POLR1C: variants seen among roughly 807,000 people sequenced by gnomAD.
POLR1C encodes RNA polymerase I and III subunit C, also known as DNA-directed RNA polymerases I and III subunit RPAC1.
Under a neutral mutation model 38.3 loss-of-function variants are expected in POLR1C, and 42 were observed. The ratio of observed to expected loss-of-function variants is 1.10; its 90% CI spans 0.86 to 1.42. POLR1C has a LOEUF of 1.42. POLR1C is among the 40% of genes most tolerant of loss of function. POLR1C has a pLI of 0.00. For synonymous variants in POLR1C, 163 were observed against 163.9 expected (o/e 0.99, Z 0.04); for missense variants, 507 against 450.5 (o/e 1.13, Z -1.14).
chr6:43,525,510 C>T (rs1475469949), downstream of POLR1C: 1 of 492,904 alleles, frequency 2.0e-6, no homozygotes, highest in African/African-American at 1.9e-5. Flanking sequence ...TGTGTATTGC[C>T]AGTCAAAAAG....
At chr6:43,522,150 G>C (rs1257938240), downstream of POLR1C, among the ~76,000 whole-genome samples, 1 of 152,200 alleles carries the variant, frequency 6.6e-6, no homozygotes, top group Non-Finnish European at 1.5e-5. Context: ...AGAATGGTAT[G>C]GGCTGCCTAG....
intron 9 of POLR1C, among the ~76,000 whole-genome samples, chr6:43,536,471 T>C: frequency 6.6e-6 from 1 of 151,180 alleles, no homozygotes; most frequent in East Asian, 2.0e-4. Flanking sequence ...CTAGAAGTTT[T>C]ACTTTGGCCA....
At chr6:43,549,871 T>C (rs1561876591) in intron 9 of POLR1C, 1 of 1,599,902 alleles carries the variant, frequency 6.3e-7, no homozygotes, top group Non-Finnish European at 8.5e-7. Context: ...TTAGAATCTA[T>C]TGGTTTAATT....
intron 10 of POLR1C, among the ~76,000 whole-genome samples, chr6:43,558,142 A>G (rs768861302): frequency 1.3e-5 from 2 of 152,020 alleles, no homozygotes; most frequent in Non-Finnish European, 2.9e-5. Flanking sequence ...AAAACACAGA[A>G]CAGAACTAGA....
chr6:43,525,196 A>T (rs763878174), downstream of POLR1C: 6 of 1,578,976 alleles, frequency 3.8e-6, no homozygotes, highest in Non-Finnish European at 5.2e-6. Context: ...GCTGTAATTA[A>T]TAGCGCTGTA....
At chr6:43,529,075 C>G in intron 8 of POLR1C, 1 of 1,108,258 alleles carries the variant, frequency 9.0e-7, no homozygotes, top group Non-Finnish European at 1.3e-6. Flanking sequence ...TCTTAAAGTT[C>G]TTTTCCTAAA....
chr6:43,548,215 T>C, intron 9 of POLR1C: 1 of 1,504,054 alleles, frequency 6.6e-7, no homozygotes, highest in South Asian at 1.4e-5. Flanking sequence ...TAAACCAAAA[T>C]GGGTGCTTGA....
At chr6:43,556,421 AGAGT>A (rs1387467685) in intron 10 of POLR1C, among the ~76,000 whole-genome samples, 3 of 151,540 alleles carry the variant, frequency 2.0e-5, no homozygotes, top group Non-Finnish European at 4.4e-5. Flanking sequence ...GTAACTTGGG[AGAGT>A]GAGGTAGGAG....
chr6:43,556,716 ATAAAT>A (rs1762107269), intron 10 of POLR1C, among the ~76,000 whole-genome samples: 1 of 152,202 alleles, frequency 6.6e-6, no homozygotes, highest in Non-Finnish European at 1.5e-5. Context: ...AACCTTGTAT[ATAAAT>A]GTTCATAGCA....
At chr6:43,523,701 T>G (rs1306717230), downstream of POLR1C, 5 of 1,046,396 alleles carry the variant, frequency 4.8e-6, no homozygotes, top group Non-Finnish European at 7.5e-6. Flanking sequence ...GTATAATTAC[T>G]TCTGGTCCTG....
intron 2 of POLR1C, 54 bp from the exon 3 acceptor site, chr6:43,519,279 G>A (rs1013511358): frequency 4.6e-6 from 5 of 1,078,150 alleles, no homozygotes; most frequent in Non-Finnish European, 4.3e-6. Context: ...GAGGTATGAA[G>A]AGATATTACA....
Position 43,544,026 on chromosome 6 carries a change from T to C in POLR1C, c.*5-6942T>C, listed in dbSNP as rs143602623. On this transcript the variant is annotated intron_variant, in intron 9 of 10. Coordinates refer to the POLR1C transcript ENST00000607635. ...ACTCTTAATAGCTCCAGCTACACACTATTCAAGCAATCTACTCTATCATTA... is the reference window on the plus strand; with the variant it reads ...ACTCTTAATAGCTCCAGCTACACACCATTCAAGCAATCTACTCTATCATTA... 2.5e-3 allele frequency: 385 copies of C among 152,632 alleles called. 1 individual carries two copies. Among genetic ancestry groups the C allele is most frequent in the Non-Finnish European group, 3.0e-3 (206 of 68,032 alleles). 9.5% of individuals were successfully genotyped at this position (152,632 alleles called of 1,614,324 possible).
chr6:43,522,558 C>G, downstream of POLR1C: 1 of 270,878 alleles, frequency 3.7e-6, no homozygotes, highest in South Asian at 3.1e-5. Context: ...CCTTCACGAT[C>G]CACAGAAACC....
At chr6:43,524,352 CAAAAAA>C (rs368583529), downstream of POLR1C, 9 of 1,069,114 alleles carry the variant, frequency 8.4e-6, no homozygotes, top group Admixed American at 1.2e-4. Context: ...AACCCCATCT[CAAAAAA>C]AAAAAAAAAA....
chr6:43,528,231 G>A (rs1425929886), intron 8 of POLR1C: 6 of 1,574,000 alleles, frequency 3.8e-6, no homozygotes, highest in Non-Finnish European at 4.3e-6. Flanking sequence ...GGAAATAAAT[G>A]CTAGAATTGG....
At chr6:43,518,067 G>T (rs1410569669) in intron 2 of POLR1C, among the ~76,000 whole-genome samples, 2 of 152,132 alleles carry the variant, frequency 1.3e-5, no homozygotes, top group Non-Finnish European at 2.9e-5. Flanking sequence ...CTCCGGGCAT[G>T]TCCAAGTAGT....
rs572977578 is a variant in POLR1C at position 43,544,715 on chromosome 6, C to T, written c.*5-6253C>T. On this transcript the variant is annotated intron_variant, in intron 9 of 10. Transcript: ENST00000607635. ...CTGAAGCAGGCTCAGCTGTCCGAGACCAGCCTGGGCAACATGGCAAAACCC... is the reference window on the plus strand; with the variant it reads ...CTGAAGCAGGCTCAGCTGTCCGAGATCAGCCTGGGCAACATGGCAAAACCC... 2.0e-4 allele frequency among the ~76,000 whole-genome samples: 30 copies of T among 152,230 alleles called. 1 individual carries two copies. In the South Asian group the frequency reaches 6.2e-3, roughly 32 times the overall value.
Position 43,521,458 on chromosome 6 carries a change from A to C in POLR1C, c.*158A>C. The C allele has an allele frequency of 4.0e-6, 6 of 1,488,610 alleles. No individual in the cohort carries two copies. Among genetic ancestry groups the C allele is most frequent in the Non-Finnish European group, 5.4e-6 (6 of 1,120,120 alleles). The allele number at this position is 1,488,610 out of a possible 1,614,324, so 92.2% of individuals were successfully genotyped here. A position where few individuals can be genotyped will look rare whatever the true frequency, so the allele number is the denominator to read the frequency against. ...TTTGTTAAATGTGCCATAAAATGAG[A>C]CTTTTTACGCCTTTATAAGGCCTTA... On this transcript the variant is annotated 3_prime_UTR_variant, in exon 9 of 9. Coordinates refer to ENST00000642195, the MANE Select transcript of POLR1C (RefSeq NM_203290.4).
At chr6:43,548,229 TAG>T in intron 9 of POLR1C, 2 of 1,546,908 alleles carry the variant, frequency 1.3e-6, no homozygotes, top group South Asian at 2.5e-5. Context: ...TGCTTGAGTA[TAG>T]TAAGAGTCAG....
Sources: allele counts gnomAD v4.1 joint callset (sites outside exome capture counted in the v4.1 genomes callset), GRCh38; gene constraint gnomAD v4.1.1; transcripts MANE v1.5; gene names NCBI Gene and HGNC (gene_info 2026-07-23, HGNC 2026-07-21).